The following PDE4D variants were observed in gnomAD, a reference collection of about 807,000 sequenced individuals.
PDE4D encodes the protein phosphodiesterase 4D, also known as 3',5'-cyclic-AMP phosphodiesterase 4D.
A neutral mutation model predicts 87.4 loss-of-function variants in PDE4D; 24 were observed. The observed-to-expected ratio is 0.27, with a 90% CI of 0.20 to 0.39. The LOEUF (loss-of-function observed/expected upper bound fraction) is 0.39. PDE4D is among the 10% of genes least tolerant of loss of function. The pLI is 1.00. For missense variants in PDE4D, 714 were observed against 1,041.0 expected (o/e 0.69, Z 4.32); for synonymous variants, 384 against 383.2 (o/e 1.00, Z -0.02).
chr5:59,887,320 A>G (rs773703068), intron 1 of PDE4D, among the ~76,000 whole-genome samples: 3 of 152,228 alleles, frequency 2.0e-5, no homozygotes, highest in Non-Finnish European at 2.9e-5. Flanking sequence ...GTTTTAAACA[A>G]TAAGGTAAAG....
chr5:60,214,466 G>GT (rs1743619559), intron 1 of PDE4D, among the ~76,000 whole-genome samples: 1 of 152,080 alleles, frequency 6.6e-6, no homozygotes, highest in Non-Finnish European at 1.5e-5. Flanking sequence ...TTACCTACGA[G>GT]TAAGGTGGTG....
At chr5:60,347,284 C>T (rs1758815912) in intron 1 of PDE4D, among the ~76,000 whole-genome samples, 1 of 152,062 alleles carries the variant, frequency 6.6e-6, no homozygotes, top group East Asian at 1.9e-4. Context: ...ACAGAGAGGG[C>T]CAGTGTGGCT....
intron 10 of PDE4D, among the ~76,000 whole-genome samples, chr5:58,989,335 T>C (rs190354806): frequency 3.3e-5 from 5 of 152,274 alleles, no homozygotes; most frequent in Non-Finnish European, 5.9e-5. Flanking sequence ...AATAACTTCT[T>C]AGGATTTAGA....
chr5:60,345,709 G>A (rs1468254650), intron 1 of PDE4D, among the ~76,000 whole-genome samples: 1 of 151,798 alleles, frequency 6.6e-6, no homozygotes, highest in Non-Finnish European at 1.5e-5. Context: ...TGAATATTAG[G>A]TACTATTCAA....
intron 3 of PDE4D, among the ~76,000 whole-genome samples, chr5:59,189,244 G>GTTTTTTT (rs1392753870): frequency 1.1e-5 from 1 of 91,388 alleles, no homozygotes; most frequent in East Asian, 2.5e-4. Flanking sequence ...TTTTTTTTTT[G>GTTTTTTT]TTTTTTTTGT....
chr5:59,739,335 G>T (rs573982916), intron 1 of PDE4D, among the ~76,000 whole-genome samples: 17 of 152,046 alleles, frequency 1.1e-4, no homozygotes, highest in Non-Finnish European at 2.4e-4. Flanking sequence ...TGAGAGGATC[G>T]CTTGAACCCA....
chr5:59,067,076 A>T (rs1295115951), intron 5 of PDE4D, among the ~76,000 whole-genome samples: 1 of 151,890 alleles, frequency 6.6e-6, no homozygotes, highest in Non-Finnish European at 1.5e-5. Flanking sequence ...TTTCAGTGCC[A>T]TGATCTCAGA....
chr5:59,337,417 C>T (rs1311870293), intron 1 of PDE4D, among the ~76,000 whole-genome samples: 4 of 147,292 alleles, frequency 2.7e-5, no homozygotes, highest in East Asian at 4.0e-4. Flanking sequence ...CTGCAGGCTC[C>T]GTCCCCCGGG....
At chr5:60,495,978 C>T (rs1033642819) in intron 1 of PDE4D, among the ~76,000 whole-genome samples, 4 of 152,218 alleles carry the variant, frequency 2.6e-5, no homozygotes, top group African/African-American at 4.8e-5. Flanking sequence ...CCCAAGTGAA[C>T]AGTGAGTTTC....
rs920884376 is a variant in PDE4D, at chr5:59,340,674, C to A, written c.456-124706G>T. On this transcript the variant is annotated intron_variant, in intron 1 of 14. Transcript: ENST00000340635. ...CCCATTAACCATCTCCACTCCCACA[C>A]CCCTGCCACTCACTACCCTTCCTAG... Among the ~76,000 whole-genome samples the A allele has an allele frequency of 2.4e-4, 37 of 152,280 alleles. 1 individual carries two copies. Among genetic ancestry groups the A allele is most frequent in the Admixed American group, 1.0e-3 (16 of 15,292 alleles).
At chr5:59,705,588 A>G (rs546708886) in intron 1 of PDE4D, among the ~76,000 whole-genome samples, 1 of 152,312 alleles carries the variant, frequency 6.6e-6, no homozygotes, top group South Asian at 2.1e-4. Flanking sequence ...TTTGTTTCAT[A>G]ACAATCCTAA....
intron 1 of PDE4D, among the ~76,000 whole-genome samples, chr5:59,455,941 G>A (rs1799860698): frequency 6.6e-6 from 1 of 152,222 alleles, no homozygotes; most frequent in Admixed American, 6.5e-5. Context: ...ATTTGGAATG[G>A]TATTTACCCA....
chr5:59,100,219 A>G (rs1770504540), intron 5 of PDE4D, among the ~76,000 whole-genome samples: 1 of 152,204 alleles, frequency 6.6e-6, no homozygotes, highest in South Asian at 2.1e-4. Flanking sequence ...GCGGTGCGCC[A>G]CTGTCTATAA....
chr5:59,154,684 G>C (rs530546884), intron 5 of PDE4D, among the ~76,000 whole-genome samples: 6 of 152,274 alleles, frequency 3.9e-5, no homozygotes, highest in African/African-American at 1.2e-4. Flanking sequence ...CCAAGAATTC[G>C]AGACCAGCCT....
chr5:59,529,220 G>C (rs1204480059), intron 1 of PDE4D: 1 of 487,474 alleles, frequency 2.1e-6, no homozygotes, highest in Non-Finnish European at 4.1e-6. Context: ...ATCCAGGAAG[G>C]AAAATTGGAT....
intron 1 of PDE4D, among the ~76,000 whole-genome samples, chr5:59,275,078 ACT>A (rs1325116967): frequency 1.3e-5 from 2 of 152,084 alleles, no homozygotes; most frequent in African/African-American, 2.4e-5. Flanking sequence ...CATTTTCAAA[ACT>A]CCCAACATAT....
chr5:59,357,048 A>T, intron 1 of PDE4D: 1 of 498,910 alleles, frequency 2.0e-6, no homozygotes. Flanking sequence ...TTCCTGCTGC[A>T]TGACACTTGG....
At chr5:60,176,113 T>C (rs1783879851) in intron 2 of PDE4D, among the ~76,000 whole-genome samples, 1 of 152,166 alleles carries the variant, frequency 6.6e-6, no homozygotes, top group Non-Finnish European at 1.5e-5. Flanking sequence ...AAGCCTGCTA[T>C]AGGATGCACT....
intron 1 of PDE4D, among the ~76,000 whole-genome samples, chr5:59,252,817 G>A (rs908211918): frequency 3.9e-5 from 6 of 152,098 alleles, no homozygotes; most frequent in South Asian, 2.1e-4. Context: ...GTGAGCTACT[G>A]CACCCACCCA....
Sources: gnomAD v4.1 joint callset for allele counts (sites outside exome capture counted in the v4.1 genomes callset) on GRCh38, gnomAD v4.1.1 for gene constraint, MANE v1.5 for transcripts, NCBI Gene and HGNC (gene_info 2026-07-23, HGNC 2026-07-21) for gene names.